Variants in YEATS2 observed in about 807,000 individuals in gnomAD.
The protein encoded by YEATS2 is YEATS domain containing 2, also known as YEATS domain-containing protein 2.
Under a neutral mutation model 163.2 loss-of-function variants are expected in YEATS2, and 77 were observed. That is an observed-to-expected ratio of 0.47 (90% CI 0.39 to 0.57). The LOEUF is 0.57. YEATS2 is among the 20% of genes least tolerant of loss of function. The pLI is 0.00. For missense variants in YEATS2, 1,549 were observed against 1,729.8 expected (o/e 0.90, Z 1.85); for synonymous variants, 631 against 645.1 (o/e 0.98, Z 0.33).
In YEATS2 at chr3:183,777,477, A is replaced by G. The variant is rs762992003; in HGVS notation, c.2578-65A>G. 17 of 1,542,922 alleles carry G rather than the reference A, an allele frequency of 1.1e-5. No homozygotes were observed. The African/African-American group carries it at 1.9e-4, about 17-fold the overall frequency. On this transcript the variant is annotated intron_variant, in intron 18 of 30. Coordinates refer to ENST00000305135, the MANE Select transcript of YEATS2 (RefSeq NM_018023.5). ...TGGGACGTTACATGTGATTTAAGGG[A>G]TCAGAACAGCCCATCTGAATTTAAC... is the stretch of plus-strand genomic sequence containing the variant.
At chr3:183,742,471 A>G (rs1212642095) in intron 8 of YEATS2, among the ~76,000 whole-genome samples, 2 of 152,210 alleles carry the variant, frequency 1.3e-5, no homozygotes, top group Admixed American at 6.5e-5. Context: ...AATTAGCTGC[A>G]GGTATGGTGG....
At chr3:183,809,009 C>T (rs774541506) in intron 29 of YEATS2, 88 bp from the exon 30 acceptor site, 17 of 1,396,562 alleles carry the variant, frequency 1.2e-5, no homozygotes, top group Non-Finnish European at 1.7e-5. Context: ...TGGTTTCAAA[C>T]ATTTGGGGTA....
intron 1 of YEATS2, among the ~76,000 whole-genome samples, chr3:183,710,256 A>G (rs376516334): frequency 3.9e-4 from 59 of 152,282 alleles, no homozygotes; most frequent in African/African-American, 1.3e-3. Flanking sequence ...TTTCCTTTTC[A>G]TAAAATCTAC....
At chr3:183,728,310 C>T (rs1484559336) in intron 6 of YEATS2, among the ~76,000 whole-genome samples, 1 of 152,124 alleles carries the variant, frequency 6.6e-6, no homozygotes, top group African/African-American at 2.4e-5. Context: ...CAGGCATTGT[C>T]TTCTTCTATC....
chr3:183,748,698 C>G (rs546695169), intron 9 of YEATS2, among the ~76,000 whole-genome samples: 2 of 152,026 alleles, frequency 1.3e-5, no homozygotes, highest in Non-Finnish European at 2.9e-5. Context: ...TTGCTAGACT[C>G]CAGCCATTCT....
At chr3:183,775,861 T>C (rs377225860) in intron 17 of YEATS2, 54 bp from the exon 18 acceptor site, 26 of 1,608,760 alleles carry the variant, frequency 1.6e-5, no homozygotes, top group Admixed American at 1.7e-5. Context: ...TTTTTTATGC[T>C]AAAGCTTTGC....
chr3:183,807,176 C>T (rs898237705), intron 28 of YEATS2, 84 bp downstream of exon 28: 2 of 1,245,554 alleles, frequency 1.6e-6, no homozygotes, highest in African/African-American at 3.0e-5. Context: ...GACCCAGACC[C>T]AGGTGTTCAG....
At chr3:183,802,535 G>GTATATATACACGTGTA (rs11276625) in intron 25 of YEATS2, 3 of 142,222 alleles carry the variant, frequency 2.1e-5, no homozygotes, top group Non-Finnish European at 1.5e-5. Flanking sequence ...ATATACACGT[G>GTATATATACACGTGTA]TATATACACA....
chr3:183,761,412 A>G, intron 13 of YEATS2, 95 bp from the exon 14 acceptor site: 2 of 1,159,244 alleles, frequency 1.7e-6, no homozygotes, highest in East Asian at 4.7e-5. Flanking sequence ...TTATATTGCT[A>G]GAGAATGTCA....
Position 183,728,824 on chromosome 3 carries a change from A to G in YEATS2, c.785A>G (p.Tyr262Cys), listed in dbSNP as rs751383992. 6 of 1,613,390 alleles carry G rather than the reference A, an allele frequency of 3.7e-6. No homozygotes were observed. In the South Asian group the frequency reaches 4.4e-5, roughly 12 times the overall value. Residue 262 changes from tyrosine to cysteine, a missense_variant, in exon 7 of 31, where the codon TAT becomes TGT. By Grantham distance (194) the Tyr-to-Cys change is radical. Coordinates refer to ENST00000305135, the MANE Select transcript of YEATS2 (RefSeq NM_018023.5). ...KKVWFFLHPS[Y>C]KPNDLVEVRE... The stretch of plus-strand genomic sequence containing the variant: ...GTTTGGTTCTTCCTTCATCCTAGCT[A>G]TAAACCAAATGACCTTGTGGAAGTT...
At chr3:183,699,538 C>T (rs1456140867) in intron 1 of YEATS2, among the ~76,000 whole-genome samples, 2 of 150,798 alleles carry the variant, frequency 1.3e-5, no homozygotes, top group Non-Finnish European at 2.9e-5. Context: ...GCAGGAAGGA[C>T]CCCGTCTCTT....
At chr3:183,751,558 CCTTCAGAGTCAAATT>C (rs1720169816) in intron 9 of YEATS2, among the ~76,000 whole-genome samples, 1 of 152,170 alleles carries the variant, frequency 6.6e-6, no homozygotes, top group Non-Finnish European at 1.5e-5. Flanking sequence ...GTAGCTTCTT[CCTTCAGAGTCAAATT>C]CTTAGTGGCA....
intron 1 of YEATS2, among the ~76,000 whole-genome samples, chr3:183,713,688 T>G (rs1157837474): frequency 6.6e-6 from 1 of 152,248 alleles, no homozygotes; most frequent in Non-Finnish European, 1.5e-5. Flanking sequence ...TCATGAAATA[T>G]GTATCATTGC....
rs1722462151 is a variant in YEATS2 at position 183,771,542 on chromosome 3, C to CTTTTTTTTTTTTTTTTTTTTTTTTT, written c.1948-763_1948-762insTTTTTTTTTTTTTTTTTTTTTTTTT. Among the ~76,000 whole-genome samples, 6 of 60,812 alleles carry CTTTTTTTTTTTTTTTTTTTTTTTTT rather than the reference C, an allele frequency of 9.9e-5. 2 individuals carry two copies. The highest frequency in any genetic ancestry group is 4.9e-4 in the African/African-American group (5 of 10,298). The allele number at this position is 60,812 out of a possible 152,430, so 39.9% of individuals were successfully genotyped here. ...TTTTAATAGTTAAATATTATTCTTG[C>CTTTTTTTTTTTTTTTTTTTTTTTTT]CTTTTTTTTTTTTTTTTTTTTTTCT... is the stretch of plus-strand genomic sequence containing the variant. On this transcript the variant is annotated intron_variant, in intron 15 of 30. Coordinates refer to ENST00000305135, the MANE Select transcript of YEATS2 (RefSeq NM_018023.5).
chr3:183,716,610 G>A (rs1715906026), intron 2 of YEATS2, among the ~76,000 whole-genome samples: 1 of 152,112 alleles, frequency 6.6e-6, no homozygotes, highest in Non-Finnish European at 1.5e-5. Flanking sequence ...AGAGTGTTAT[G>A]TAACTTAATT....
intron 18 of YEATS2, 119 bp downstream of exon 18, chr3:183,776,242 G>A (rs981629511): frequency 8.5e-6 from 9 of 1,055,556 alleles, no homozygotes; most frequent in African/African-American, 3.2e-5. Flanking sequence ...CCTTAACCGT[G>A]TTATCTATAT....
intron 13 of YEATS2, among the ~76,000 whole-genome samples, chr3:183,759,469 T>C (rs1721117271): frequency 6.6e-6 from 1 of 152,232 alleles, no homozygotes; most frequent in South Asian, 2.1e-4. Context: ...ATCTGACCTC[T>C]TCCCTTTTGG....
intron 15 of YEATS2, among the ~76,000 whole-genome samples, chr3:183,766,916 C>T (rs995787028): frequency 8.6e-5 from 13 of 151,954 alleles, no homozygotes; most frequent in Non-Finnish European, 1.6e-4. Context: ...CTCAAGCAGT[C>T]TGCCTGCCTC....
intron 6 of YEATS2, among the ~76,000 whole-genome samples, chr3:183,728,110 A>G (rs1717312886): frequency 6.6e-6 from 1 of 152,212 alleles, no homozygotes; most frequent in Admixed American, 6.5e-5. Context: ...TGTCACCTAG[A>G]CTGAAGTACA....
Sources: gnomAD v4.1 joint callset for allele counts (sites outside exome capture counted in the v4.1 genomes callset) on GRCh38, gnomAD v4.1.1 for gene constraint, MANE v1.5 for transcripts, NCBI Gene and HGNC (gene_info 2026-07-23, HGNC 2026-07-21) for gene names.